CNTNAP2: variants seen among roughly 807,000 people sequenced by gnomAD.
CNTNAP2 encodes the protein contactin-associated protein-like 2.
A neutral mutation model predicts 155.2 loss-of-function variants in CNTNAP2; 98 were observed. The observed-to-expected ratio is 0.63, with a 90% CI of 0.54 to 0.75. The LOEUF is 0.75. CNTNAP2 is among the 30% of genes least tolerant of loss of function. CNTNAP2 has a pLI of 0.00. For missense variants in CNTNAP2, 1,727 were observed against 1,688.1 expected (o/e 1.02, Z -0.40); for synonymous variants, 651 against 631.2 (o/e 1.03, Z -0.47).
intron 10 of CNTNAP2, 88 bp downstream of exon 10, chr7:147,395,868 A>G: frequency 3.4e-6 from 5 of 1,480,100 alleles, no homozygotes; most frequent in Admixed American, 1.7e-5. Flanking sequence ...TCCCAAAAGA[A>G]AATTAAAGTT....
rs148495327 is a variant in CNTNAP2, at chr7:146,310,491, T to C, written c.97+193518T>C. On this transcript the variant is annotated intron_variant, in intron 1 of 23. Coordinates refer to ENST00000361727, the MANE Select transcript of CNTNAP2 (RefSeq NM_014141.6). ...TGAAAAGTTAGAGGTGGAAATCATG[T>C]AGTTCAGTGTAACTATAATTGTACT... Among the ~76,000 whole-genome samples the C allele has an allele frequency of 2.1e-4, 32 of 152,302 alleles. 1 individual carries two copies. In the East Asian group the frequency reaches 6.0e-3, roughly 28 times the overall value.
intron 3 of CNTNAP2, among the ~76,000 whole-genome samples, chr7:146,901,531 C>T (rs1210282673): frequency 6.6e-6 from 1 of 152,008 alleles, no homozygotes; most frequent in Non-Finnish European, 1.5e-5. Flanking sequence ...TTGACTTAAA[C>T]GGCAAAATAA....
intron 1 of CNTNAP2, among the ~76,000 whole-genome samples, chr7:146,371,593 C>T (rs1374143405): frequency 1.3e-5 from 2 of 151,788 alleles, no homozygotes; most frequent in African/African-American, 4.8e-5. Flanking sequence ...TCTCGATCTC[C>T]TGACCTTGTG....
chr7:146,677,690 A>T (rs892385932), intron 1 of CNTNAP2, among the ~76,000 whole-genome samples: 5 of 148,868 alleles, frequency 3.4e-5, no homozygotes, highest in Non-Finnish European at 7.5e-5. Flanking sequence ...ATAGTTGGTG[A>T]TTTTTTTTTT....
chr7:146,817,681 A>G (rs1414154435), intron 2 of CNTNAP2, among the ~76,000 whole-genome samples: 2 of 151,950 alleles, frequency 1.3e-5, no homozygotes, highest in East Asian at 1.9e-4. Context: ...GGGCAGGGAG[A>G]TGCTACTCAC....
intron 1 of CNTNAP2, among the ~76,000 whole-genome samples, chr7:146,724,834 G>T (rs1801403145): frequency 6.6e-6 from 1 of 152,084 alleles, no homozygotes; most frequent in African/African-American, 2.4e-5. Context: ...CTCCCAAAGT[G>T]GTGGGATTAC....
intron 1 of CNTNAP2, among the ~76,000 whole-genome samples, chr7:146,244,979 G>A (rs1034834212): frequency 6.6e-6 from 1 of 152,074 alleles, no homozygotes; most frequent in African/African-American, 2.4e-5. Flanking sequence ...AGGAGTAGTA[G>A]AATAGCAGAT....
At chr7:147,540,327 T>G (rs1799616414) in intron 11 of CNTNAP2, among the ~76,000 whole-genome samples, 1 of 152,150 alleles carries the variant, frequency 6.6e-6, no homozygotes, top group African/African-American at 2.4e-5. Context: ...TGGACTCTTC[T>G]GTCTGCCTCC....
At chr7:147,714,324 G>T (rs1263281014) in intron 13 of CNTNAP2, among the ~76,000 whole-genome samples, 1 of 152,074 alleles carries the variant, frequency 6.6e-6, no homozygotes, top group East Asian at 1.9e-4. Flanking sequence ...ATGATAAAGA[G>T]ATAATTTAGA....
chr7:148,141,517 G>A (rs1384090320), intron 16 of CNTNAP2, among the ~76,000 whole-genome samples: 1 of 152,172 alleles, frequency 6.6e-6, no homozygotes, highest in Non-Finnish European at 1.5e-5. Context: ...TGTGATCACT[G>A]TTGCCTTCCT....
chr7:147,916,248 T>C (rs1424016034), intron 14 of CNTNAP2, among the ~76,000 whole-genome samples: 1 of 152,106 alleles, frequency 6.6e-6, no homozygotes, highest in Non-Finnish European at 1.5e-5. Context: ...AGCATAAAAA[T>C]GATGTATTAT....
At chr7:147,066,856 T>C (rs1799787925) in intron 4 of CNTNAP2, among the ~76,000 whole-genome samples, 1 of 152,188 alleles carries the variant, frequency 6.6e-6, no homozygotes, top group African/African-American at 2.4e-5. Flanking sequence ...TTATTTCTTA[T>C]AGTTTTGGGG....
At chr7:146,473,826 C>G (rs17170106) in intron 1 of CNTNAP2, among the ~76,000 whole-genome samples, 33,693 of 152,096 alleles carry the variant, frequency 0.22, 4,693 homozygotes, top group Admixed American at 0.38. Context: ...AGGTTTGTCT[C>G]AAGTATTGTT....
At chr7:148,171,178 T>C (rs1805786987) in intron 17 of CNTNAP2, among the ~76,000 whole-genome samples, 1 of 152,178 alleles carries the variant, frequency 6.6e-6, no homozygotes. Flanking sequence ...GATAAGTTGT[T>C]GTGAGGACCA....
intron 18 of CNTNAP2, 25 bp downstream of exon 18, chr7:148,172,503 C>G (rs764809555): frequency 6.3e-7 from 1 of 1,595,490 alleles, no homozygotes. Flanking sequence ...ATTTCCAGAG[C>G]CACTTTTGCG....
At chr7:146,304,730 A>C (rs1419000174) in intron 1 of CNTNAP2, among the ~76,000 whole-genome samples, 1 of 152,016 alleles carries the variant, frequency 6.6e-6, no homozygotes, top group African/African-American at 2.4e-5. Context: ...AACTTTGGTG[A>C]ATCTGACAAT....
chr7:147,406,392 G>C (rs1584929909), intron 10 of CNTNAP2, among the ~76,000 whole-genome samples: 1 of 152,074 alleles, frequency 6.6e-6, no homozygotes, highest in Non-Finnish European at 1.5e-5. Context: ...AAGCTGAAAA[G>C]AAGAGGAGTC....
At chr7:147,727,019 A>G (rs369901719) in intron 13 of CNTNAP2, among the ~76,000 whole-genome samples, 2 of 120,858 alleles carry the variant, frequency 1.7e-5, no homozygotes, top group African/African-American at 8.9e-5. Context: ...GTATATGTAT[A>G]TGTGTGTATA....
At chr7:146,744,308 A>C (rs1013657184) in intron 1 of CNTNAP2, among the ~76,000 whole-genome samples, 11 of 151,920 alleles carry the variant, frequency 7.2e-5, no homozygotes, top group African/African-American at 2.7e-4. Flanking sequence ...TAAATATCAA[A>C]TGATTAAACT....
Sources: allele counts gnomAD v4.1 joint callset (sites outside exome capture counted in the v4.1 genomes callset), GRCh38; gene constraint gnomAD v4.1.1; transcripts MANE v1.5; gene names NCBI Gene and HGNC (gene_info 2026-07-23, HGNC 2026-07-21).